Variants in SMOC2 observed in about 807,000 individuals in gnomAD.
SMOC2 encodes SPARC-related modular calcium-binding protein 2.
A neutral mutation model predicts 61.4 loss-of-function variants in SMOC2; 39 were observed. That is an observed-to-expected ratio of 0.64 (90% CI 0.49 to 0.83). The LOEUF is 0.83. SMOC2 is among the 40% of genes least tolerant of loss of function. The pLI is 0.00. For synonymous variants in SMOC2, 247 were observed against 239.9 expected (o/e 1.03, Z -0.27); for missense variants, 556 against 592.9 (o/e 0.94, Z 0.65).
At chr6:168,529,932 G>A (rs1352308260) in intron 4 of SMOC2, among the ~76,000 whole-genome samples, 1 of 152,222 alleles carries the variant, frequency 6.6e-6, no homozygotes, top group African/African-American at 2.4e-5. Flanking sequence ...GGGGGTTCAC[G>A]GAGAAGTCAG....
chr6:168,501,717 C>T (rs1304443279), intron 1 of SMOC2, among the ~76,000 whole-genome samples: 2 of 152,220 alleles, frequency 1.3e-5, no homozygotes, highest in African/African-American at 2.4e-5. Context: ...CCTCAGGGCT[C>T]CTGCTTTCCT....
At position 168,514,650 on chromosome 6, in the gene SMOC2, T is replaced by G. The variant is rs191712124; in HGVS notation, c.256+4564T>G. On this transcript the variant is annotated intron_variant, in intron 2 of 12. Transcript: ENST00000356284. ...TCAGATGATGTACTCTTCAGAGAAG[T>G]TTTTACAAGTGATCGCCTATGAAGT... is the stretch of plus-strand genomic sequence containing the variant. 5.3e-5 allele frequency among the ~76,000 whole-genome samples: 8 copies of G among 152,264 alleles called. No individual in the cohort carries two copies. The East Asian group carries it at 1.5e-3, about 29-fold the overall frequency.
chr6:168,474,473 C>G (rs1178724987), intron 1 of SMOC2, among the ~76,000 whole-genome samples: 1 of 152,158 alleles, frequency 6.6e-6, no homozygotes, highest in Non-Finnish European at 1.5e-5. Flanking sequence ...TCTGAGCTCT[C>G]TCTGCTGGTG....
chr6:168,465,499 A>G (rs1484249917), intron 1 of SMOC2, among the ~76,000 whole-genome samples: 6 of 151,954 alleles, frequency 3.9e-5, no homozygotes, highest in African/African-American at 1.4e-4. Flanking sequence ...AAAGACTTTT[A>G]GAAATTGCTA....
chr6:168,498,134 C>G (rs1782637128), intron 1 of SMOC2, among the ~76,000 whole-genome samples: 1 of 152,072 alleles, frequency 6.6e-6, no homozygotes, highest in African/African-American at 2.4e-5. Flanking sequence ...TATTTTAAAT[C>G]CTTCAGTTAT....
chr6:168,520,452 C>T (rs140877466), intron 2 of SMOC2, among the ~76,000 whole-genome samples: 7 of 152,348 alleles, frequency 4.6e-5, no homozygotes, highest in Non-Finnish European at 5.9e-5. Context: ...AGCCCCGTCC[C>T]GGCCAGCCCT....
chr6:168,666,572 G>T lies in SMOC2; in HGVS notation c.*134G>T. 9.9e-7 allele frequency: 1 copy of T among 1,010,862 alleles called. No homozygotes were observed. Among genetic ancestry groups the T allele is most frequent in the South Asian group, 1.5e-5 (1 of 68,862 alleles). The allele number at this position is 1,010,862 out of a possible 1,614,324, so 62.6% of individuals were successfully genotyped here. A position where few individuals can be genotyped will look rare whatever the true frequency, so the allele number is the denominator to read the frequency against. ...AAATGTAAATTCACTTTGTAGAAATGAGCTATTTAAACAGACTGTTTTAAT... is the reference window on the plus strand; with the variant it reads ...AAATGTAAATTCACTTTGTAGAAATTAGCTATTTAAACAGACTGTTTTAAT... On this transcript the variant is annotated 3_prime_UTR_variant, in exon 13 of 13. Coordinates refer to ENST00000356284, the MANE Select transcript of SMOC2 (RefSeq NM_001166412.2).
intron 1 of SMOC2, among the ~76,000 whole-genome samples, chr6:168,444,599 C>T (rs1781290407): frequency 6.6e-6 from 1 of 152,138 alleles, no homozygotes; most frequent in Non-Finnish European, 1.5e-5. Context: ...TTAAGTGTGT[C>T]CAATGCGCTC....
At chr6:168,469,587 T>C (rs1044319644) in intron 1 of SMOC2, among the ~76,000 whole-genome samples, 1 of 152,230 alleles carries the variant, frequency 6.6e-6, no homozygotes, top group African/African-American at 2.4e-5. Flanking sequence ...ATTCAAATCA[T>C]CGTGCAAACC....
chr6:168,660,192 A>G (rs1250936391), intron 11 of SMOC2, among the ~76,000 whole-genome samples: 1 of 152,136 alleles, frequency 6.6e-6, no homozygotes, highest in Non-Finnish European at 1.5e-5. Flanking sequence ...TCTCCAAGGA[A>G]CTGGCCCATG....
At chr6:168,582,454 G>A (rs1234771649) in intron 7 of SMOC2, among the ~76,000 whole-genome samples, 1 of 152,174 alleles carries the variant, frequency 6.6e-6, no homozygotes, top group East Asian at 1.9e-4. Flanking sequence ...AGGGGTCTTG[G>A]GGTCACCGCT....
At chr6:168,589,688 GCC>G (rs1785128481) in intron 7 of SMOC2, among the ~76,000 whole-genome samples, 1 of 145,686 alleles carries the variant, frequency 6.9e-6, no homozygotes, top group Admixed American at 6.9e-5. Flanking sequence ...GGGGCAGCCG[GCC>G]TGGTGGTGGT....
intron 4 of SMOC2, among the ~76,000 whole-genome samples, chr6:168,536,249 A>G (rs1583090051): frequency 6.6e-6 from 1 of 152,238 alleles, no homozygotes; most frequent in Admixed American, 6.5e-5. Context: ...ACGGGATCCT[A>G]GGATGGTCAA....
In SMOC2 at chr6:168,582,824, C is replaced by T. The variant is rs182314924; in HGVS notation, c.638-15994C>T. Among the ~76,000 whole-genome samples, 11 of 152,282 alleles carry T rather than the reference C, an allele frequency of 7.2e-5. No homozygotes were observed. The East Asian group carries it at 1.4e-3, about 19-fold the overall frequency. On this transcript the variant is annotated intron_variant, in intron 7 of 12. Coordinates refer to ENST00000356284, the MANE Select transcript of SMOC2 (RefSeq NM_001166412.2). ...CTCAGCTCAAACGAACCGACACGCA[C>T]GGGGAAGACCCGGGGGCCGAGGGTC... is the stretch of plus-strand genomic sequence containing the variant.
intron 11 of SMOC2, among the ~76,000 whole-genome samples, chr6:168,659,724 G>C (rs1365513730): frequency 9.2e-5 from 14 of 151,892 alleles, no homozygotes; most frequent in African/African-American, 3.1e-4. Flanking sequence ...CTGAGTGAGG[G>C]TGGAGGTTGT....
intron 1 of SMOC2, among the ~76,000 whole-genome samples, chr6:168,470,474 A>G (rs1474324001): frequency 6.6e-6 from 1 of 152,158 alleles, no homozygotes; most frequent in Non-Finnish European, 1.5e-5. Context: ...CAAGAGTTTG[A>G]GACCAGCCTG....
At chr6:168,640,768 G>A (rs1378442407) in intron 9 of SMOC2, among the ~76,000 whole-genome samples, 1 of 152,136 alleles carries the variant, frequency 6.6e-6, no homozygotes, top group Non-Finnish European at 1.5e-5. Context: ...ACTATTAGAA[G>A]TAAAAACAGA....
chr6:168,546,571 C>T (rs1784008591), intron 5 of SMOC2, among the ~76,000 whole-genome samples: 1 of 152,184 alleles, frequency 6.6e-6, no homozygotes, highest in Admixed American at 6.5e-5. Flanking sequence ...GTGCCCCACT[C>T]ACATCCTTAC....
intron 1 of SMOC2, among the ~76,000 whole-genome samples, chr6:168,495,227 C>T (rs1782557416): frequency 6.6e-6 from 1 of 152,214 alleles, no homozygotes; most frequent in Non-Finnish European, 1.5e-5. Flanking sequence ...GACCTCCGGC[C>T]AAGGGAAAGG....
Sources: allele counts gnomAD v4.1 joint callset (sites outside exome capture counted in the v4.1 genomes callset), GRCh38; gene constraint gnomAD v4.1.1; transcripts MANE v1.5; gene names NCBI Gene and HGNC (gene_info 2026-07-23, HGNC 2026-07-21).